The following KNG1 variants were observed in gnomAD, a reference collection of about 807,000 sequenced individuals.
KNG1 encodes the protein kininogen 1, also known as kininogen-1.
KNG1 carries 23 observed loss-of-function variants against 47.8 expected under a neutral mutation model. That is an observed-to-expected ratio of 0.48 (90% CI 0.35 to 0.68). The LOEUF (loss-of-function observed/expected upper bound fraction) is 0.68. Ranked by LOEUF, KNG1 falls within the 30% of genes least tolerant of loss-of-function variation. The probability of loss-of-function intolerance (pLI) is 0.01; values close to 1 mark genes in which losing one functional copy is unlikely to be tolerated. For missense variants in KNG1, 762 were observed against 790.2 expected (o/e 0.96, Z 0.43); for synonymous variants, 277 against 277.0 (o/e 1.00, Z 0.00).
intron 1 of KNG1, among the ~76,000 whole-genome samples, chr3:186,718,927 A>G (rs923249184): frequency 6.6e-6 from 1 of 152,218 alleles, no homozygotes; most frequent in Non-Finnish European, 1.5e-5. Context: ...ATCTTTCAAG[A>G]GTATGTTTAA....
chr3:186,719,544 T>C (rs1383745359), intron 1 of KNG1, among the ~76,000 whole-genome samples: 5 of 151,880 alleles, frequency 3.3e-5, no homozygotes, highest in East Asian at 3.9e-4. Flanking sequence ...ATCGAGACCA[T>C]GGTGAAACTC....
At chr3:186,725,696 C>G (rs1720346433) in intron 4 of KNG1, among the ~76,000 whole-genome samples, 1 of 145,246 alleles carries the variant, frequency 6.9e-6, no homozygotes, top group Non-Finnish European at 1.5e-5. Context: ...AGGCGCCCGC[C>G]ACCACACTGG....
chr3:186,735,210 A>T lies in KNG1; in HGVS notation c.930+2536A>T, dbSNP rs564019774. Among the ~76,000 whole-genome samples the T allele has an allele frequency of 1.1e-4, 16 of 152,260 alleles. No homozygotes were observed. In the South Asian group the frequency reaches 2.7e-3, roughly 26 times the overall value. ...GTTTTTTAAGAGAGACGCGGGCCAG[A>T]CATGGTAGCTCATGCCTGTGATCCC... On this transcript the variant is annotated intron_variant, in intron 7 of 9. Transcript: ENST00000644859.
Position 186,717,585 on chromosome 3 carries a change from C to T in KNG1, c.43C>T (p.Leu15=). The T allele has an allele frequency of 6.2e-7, 1 of 1,612,732 alleles. No homozygotes were observed. The highest frequency in any genetic ancestry group is 1.1e-5 in the South Asian group (1 of 91,068). The change falls in exon 1 of 10, where the codon CTA becomes TTA. Residue 15 remains leucine, a synonymous_variant. Transcript: ENST00000644859. ...CCTTTTCCTCTGCTCCAGGCTGCTA[C>T]TAAGTTTAACCCAGGAATCACAGTC... ...TILFLCSRLL[L]SLTQESQSEE...
rs181468438 is a variant in KNG1, at chr3:186,737,877, T to C, written c.931-1222T>C. Among the ~76,000 whole-genome samples the C allele has an allele frequency of 2.5e-3, 373 of 151,978 alleles. 6 individuals are homozygous for C. Among genetic ancestry groups the C allele is most frequent in the African/African-American group, 8.8e-3 (365 of 41,452 alleles). ...TCCCGGCCAACACATTTAAATACTA[T>C]GATTTAATACTAAATAATTTGGTTG... On this transcript the variant is annotated intron_variant, in intron 7 of 9. Transcript: ENST00000644859.
intron 7 of KNG1, chr3:186,738,240 A>G (rs1042090445): frequency 6.6e-6 from 1 of 152,176 alleles, no homozygotes; most frequent in African/African-American, 2.4e-5. Flanking sequence ...AGCCTCCCAA[A>G]GTGCTGGAAT....
At position 186,720,159 on chromosome 3, in the gene KNG1, C is replaced by T; in HGVS notation, c.250C>T (p.Pro84Ser). The stretch of plus-strand genomic sequence containing the variant: ...GTACGAAATCAAGGAGGGGGATTGT[C>T]CTGTTCAAAGTGGCAAAACCTGGCA... Reference protein sequence around the residue: ...FKYEIKEGDCPVQSGKTWQDC... With the variant: ...FKYEIKEGDCSVQSGKTWQDC... Residue 84 changes from proline (P) to serine (S), a missense_variant, in exon 2 of 10, where the codon CCT (proline) becomes TCT (serine). Transcript: ENST00000644859. 3 of 1,614,034 alleles carry T rather than the reference C, an allele frequency of 1.9e-6. No homozygotes were observed. The highest frequency in any genetic ancestry group is 2.5e-6 in the Non-Finnish European group (3 of 1,179,970).
chr3:186,739,297 T>C, intron 8 of KNG1, 31 bp from the exon 9 acceptor site: 1 of 1,590,120 alleles, frequency 6.3e-7, no homozygotes, highest in East Asian at 2.2e-5. Flanking sequence ...AATAACACTG[T>C]CTCTCTTTCG....
chr3:186,723,576 T>C (rs563600068), intron 3 of KNG1, among the ~76,000 whole-genome samples: 2 of 152,342 alleles, frequency 1.3e-5, no homozygotes, highest in Non-Finnish European at 2.9e-5. Context: ...TCTGTCCATG[T>C]GGCTTTAAAT....
Position 186,743,351 on chromosome 3 carries a change from C to T in KNG1, c.*1020C>T, listed in dbSNP as rs1012372919. On this transcript the variant is annotated 3_prime_UTR_variant, in exon 10 of 10. Coordinates refer to ENST00000644859, the MANE Select transcript of KNG1 (RefSeq NM_001102416.3). ...CTAGTCTCACTTTATAGTCTTTTTG[C>T]TATGACTTTGAAGACCATTGATTTT... is the stretch of plus-strand genomic sequence containing the variant. 3 of 248,756 alleles carry T rather than the reference C, an allele frequency of 1.2e-5. No homozygotes were observed. Among genetic ancestry groups the T allele is most frequent in the Admixed American group, 5.0e-5 (1 of 20,094 alleles). The allele number at this position is 248,756 out of a possible 1,614,324, so 15.4% of individuals were successfully genotyped here.
At position 186,731,641 on chromosome 3, in the gene KNG1, C is replaced by T. The variant is rs777855064; in HGVS notation, c.757+12C>T. On this transcript the variant is annotated intron_variant, in intron 6 of 9. Transcript: ENST00000644859. Reference sequence around the variant, plus strand: ...TGACATTTATCCAGGTAAGGAATAACACATGTTGGCACCGCAATAGAGGAA... The same window carrying T: ...TGACATTTATCCAGGTAAGGAATAATACATGTTGGCACCGCAATAGAGGAA... 2.0e-6 allele frequency: 3 copies of T among 1,489,500 alleles called. No individual in the cohort carries two copies. The highest frequency in any genetic ancestry group is 1.7e-5 in the Admixed American group (1 of 59,820). 92.3% of individuals were successfully genotyped at this position (1,489,500 alleles called of 1,614,324 possible).
At chr3:186,731,334 T>C (rs1656925) in intron 5 of KNG1, among the ~76,000 whole-genome samples, 58,099 of 151,990 alleles carry the variant, frequency 0.38, 11,229 homozygotes, top group South Asian at 0.48. Flanking sequence ...CTGCTTTCCA[T>C]GTGCTCATGT....
At chr3:186,722,764 G>T (rs1459416053) in intron 3 of KNG1, among the ~76,000 whole-genome samples, 2 of 152,194 alleles carry the variant, frequency 1.3e-5, no homozygotes, top group African/African-American at 2.4e-5. Context: ...GTGTGCAAGG[G>T]CTCAACAGAA....
At position 186,741,795 on chromosome 3, in the gene KNG1, C is replaced by G. The variant is rs771511055; in HGVS notation, c.1399C>G (p.Gln467Glu). ...RGHGLGHGHEQQHGLGHGHKF... is the reference protein window; with the variant it reads ...RGHGLGHGHEEQHGLGHGHKF... ...ACATGGCCTTGGCCATGGACACGAA[C>G]AACAGCATGGTCTTGGTCATGGACA... The change falls in exon 10 of 10, where the codon CAA (glutamine) becomes GAA (glutamate). Residue 467 changes from glutamine (Q) to glutamate (E), a missense_variant. Gln to Glu is a conservative substitution (Grantham distance 29, BLOSUM62 2). Transcript: ENST00000644859. The G allele has an allele frequency of 6.2e-7, 1 of 1,613,950 alleles. No homozygotes were observed. The highest frequency in any genetic ancestry group is 1.1e-5 in the South Asian group (1 of 91,062).
Position 186,742,427 on chromosome 3 carries a change from A to G in KNG1, c.*96A>G. 1 of 1,571,678 alleles carries G rather than the reference A, an allele frequency of 6.4e-7. No homozygotes were observed. The highest frequency in any genetic ancestry group is 2.3e-5 in the East Asian group (1 of 43,260). On this transcript the variant is annotated 3_prime_UTR_variant, in exon 10 of 10. Transcript: ENST00000644859. ...GAAAATATCCTGATATAATGCACCA[A>G]AAACCATGCAGCTTCGGAACAGTCT... is the stretch of plus-strand genomic sequence containing the variant.
At position 186,744,302 on chromosome 3, in the gene KNG1, C is replaced by T. The variant is rs527552974; in HGVS notation, c.*1971C>T. Reference sequence around the variant, plus strand: ...ATCATCTCTGTTAATAGAATGTCTACCAACTTCTCACTATCAGAAAATACT... The same window carrying T: ...ATCATCTCTGTTAATAGAATGTCTATCAACTTCTCACTATCAGAAAATACT... On this transcript the variant is annotated 3_prime_UTR_variant, in exon 10 of 10. Transcript: ENST00000644859. 1 of 154,526 alleles carries T rather than the reference C, an allele frequency of 6.5e-6. No homozygotes were observed. The highest frequency in any genetic ancestry group is 2.0e-4 in the South Asian group (1 of 4,996). The allele number at this position is 154,526 out of a possible 1,614,324, so 9.6% of individuals were successfully genotyped here.
At chr3:186,719,698 C>T (rs976545553) in intron 1 of KNG1, among the ~76,000 whole-genome samples, 3 of 148,802 alleles carry the variant, frequency 2.0e-5, no homozygotes, top group African/African-American at 7.5e-5. Context: ...CACTGCACTC[C>T]AGCCTGGGCG....
At chr3:186,737,496 T>A (rs1216112686) in intron 7 of KNG1, among the ~76,000 whole-genome samples, 7 of 152,144 alleles carry the variant, frequency 4.6e-5, no homozygotes, top group African/African-American at 1.4e-4. Context: ...AAGGCCTTCC[T>A]CATCCTGGGT....
At chr3:186,730,697 TATATATATATATATATATACACACAC>T (rs1720501016) in intron 5 of KNG1, among the ~76,000 whole-genome samples, 3 of 16,132 alleles carry the variant, frequency 1.9e-4, no homozygotes, top group African/African-American at 7.2e-4. Context: ...TATATATATA[TATATATATATATATATATACACACAC>T]ACACACATAT....
Sources: gnomAD v4.1 joint callset for allele counts (sites outside exome capture counted in the v4.1 genomes callset) on GRCh38, gnomAD v4.1.1 for gene constraint, MANE v1.5 for transcripts, NCBI Gene and HGNC (gene_info 2026-07-23, HGNC 2026-07-21) for gene names.